RBFOX1: variants seen among roughly 807,000 people sequenced by gnomAD.
The protein encoded by RBFOX1 is RNA binding protein fox-1 homolog 1.
Under a neutral mutation model 57.7 loss-of-function variants are expected in RBFOX1, and 8 were observed. The ratio of observed to expected loss-of-function variants is 0.14; its 90% CI spans 0.08 to 0.25. The LOEUF (loss-of-function observed/expected upper bound fraction) is 0.25. Ranked by LOEUF, RBFOX1 falls within the 10% of genes least tolerant of loss-of-function variation. The pLI is 1.00. For missense variants in RBFOX1, 611 were observed against 548.5 expected (o/e 1.11, Z -1.14); for synonymous variants, 326 against 222.4 (o/e 1.47, Z -4.15).
At chr16:7,217,280 T>TTC (rs1324707833) in intron 4 of RBFOX1, among the ~76,000 whole-genome samples, 1 of 126,330 alleles carries the variant, frequency 7.9e-6, no homozygotes, top group East Asian at 2.4e-4. Context: ...TATCTTTTTT[T>TTC]TTCTTATTCT....
At chr16:5,780,863 C>T (rs1011440270) in intron 3 of RBFOX1, among the ~76,000 whole-genome samples, 21 of 152,204 alleles carry the variant, frequency 1.4e-4, no homozygotes, top group African/African-American at 4.3e-4. Context: ...TAGGTGCCAT[C>T]GCTATCTGCA....
chr16:6,537,017 C>T (rs760088141), intron 2 of RBFOX1, among the ~76,000 whole-genome samples: 7 of 152,166 alleles, frequency 4.6e-5, no homozygotes, highest in African/African-American at 7.2e-5. Context: ...ACCAAATGTA[C>T]AGTCCTACGT....
At chr16:6,700,877 C>G (rs1165789735) in intron 3 of RBFOX1, among the ~76,000 whole-genome samples, 3 of 151,950 alleles carry the variant, frequency 2.0e-5, no homozygotes, top group Non-Finnish European at 4.4e-5. Context: ...TTTAATGCTC[C>G]AAATATCCTC....
At chr16:7,608,315 C>G (rs2056753029) in intron 10 of RBFOX1, among the ~76,000 whole-genome samples, 2 of 152,186 alleles carry the variant, frequency 1.3e-5, no homozygotes, top group African/African-American at 4.8e-5. Context: ...ACACAGAAAA[C>G]TTAGCTACTC....
At chr16:6,641,976 C>T (rs763483692) in intron 2 of RBFOX1, among the ~76,000 whole-genome samples, 1 of 152,092 alleles carries the variant, frequency 6.6e-6, no homozygotes, top group Non-Finnish European at 1.5e-5. Flanking sequence ...TCACAGGAAC[C>T]CGTCAATGAA....
intron 4 of RBFOX1, among the ~76,000 whole-genome samples, chr16:7,066,490 C>A (rs117082276): frequency 6.6e-6 from 1 of 152,280 alleles, no homozygotes; most frequent in Admixed American, 6.5e-5. Flanking sequence ...AATGCCTCCC[C>A]TGGTTAGTTA....
At chr16:5,790,339 C>T (rs1000050415) in intron 3 of RBFOX1, among the ~76,000 whole-genome samples, 2 of 152,024 alleles carry the variant, frequency 1.3e-5, no homozygotes, top group South Asian at 2.1e-4. Flanking sequence ...GAGGGAGAAA[C>T]CCCTGCATTT....
At chr16:7,559,769 G>C (rs1489117789) in intron 5 of RBFOX1, among the ~76,000 whole-genome samples, 1 of 152,170 alleles carries the variant, frequency 6.6e-6, no homozygotes, top group African/African-American at 2.4e-5. Flanking sequence ...TTAGTCTTTG[G>C]TTCTTATCCA....
At chr16:5,597,283 C>G (rs1053201482) in intron 2 of RBFOX1, among the ~76,000 whole-genome samples, 1 of 145,464 alleles carries the variant, frequency 6.9e-6, no homozygotes, top group African/African-American at 2.6e-5. Flanking sequence ...CCCTCTTTCT[C>G]TCCGTTGCTC....
chr16:5,440,130 T>A (rs937016268), intron 1 of RBFOX1, among the ~76,000 whole-genome samples: 2 of 152,244 alleles, frequency 1.3e-5, no homozygotes, highest in Admixed American at 6.5e-5. Flanking sequence ...ATCAGTGGGA[T>A]AATGTATAAT....
intron 1 of RBFOX1, among the ~76,000 whole-genome samples, chr16:6,058,094 A>G (rs2095636930): frequency 6.6e-6 from 1 of 152,146 alleles, no homozygotes; most frequent in Non-Finnish European, 1.5e-5. Context: ...AAGGCTTGTG[A>G]AAAGGGTTTT....
chr16:7,309,312 C>T (rs1417197747), intron 4 of RBFOX1, among the ~76,000 whole-genome samples: 1 of 152,222 alleles, frequency 6.6e-6, no homozygotes, highest in African/African-American at 2.4e-5. Flanking sequence ...TTTGGGGAAC[C>T]TATGGAGGGC....
chr16:7,653,065 G>A (rs998747478), intron 11 of RBFOX1, among the ~76,000 whole-genome samples: 3 of 152,134 alleles, frequency 2.0e-5, no homozygotes, highest in African/African-American at 7.2e-5. Flanking sequence ...GTACATATAT[G>A]TATATATACA....
At chr16:5,886,551 A>G (rs749500999) in intron 4 of RBFOX1, among the ~76,000 whole-genome samples, 3 of 152,186 alleles carry the variant, frequency 2.0e-5, no homozygotes, top group Non-Finnish European at 2.9e-5. Context: ...TCTTATGTGA[A>G]AGAATACCAT....
At position 6,485,748 on chromosome 16, in the gene RBFOX1, A is replaced by G. The variant is rs572185065; in HGVS notation, c.-64+168691A>G. Among the ~76,000 whole-genome samples the G allele has an allele frequency of 4.4e-4, 67 of 152,328 alleles. 1 individual carries two copies. The Middle Eastern group carries it at 0.017, about 39-fold the overall frequency. ...ACCCCAAATTGAGGGTTTATACGAA[A>G]GTACTTTCTGTCTCATGACTTTATT... On this transcript the variant is annotated intron_variant, in intron 2 of 15. Coordinates refer to ENST00000550418, the MANE Select transcript of RBFOX1 (RefSeq NM_018723.4).
At chr16:5,984,970 ATATATATTTT>A (rs1257613025) in intron 4 of RBFOX1, among the ~76,000 whole-genome samples, 52 of 53,174 alleles carry the variant, frequency 9.8e-4, no homozygotes, top group African/African-American at 2.0e-3. Context: ...ATATATATAT[ATATATATTTT>A]TTTTTTTTTT....
At chr16:6,995,885 C>T (rs1361998514) in intron 3 of RBFOX1, among the ~76,000 whole-genome samples, 1 of 152,212 alleles carries the variant, frequency 6.6e-6, no homozygotes, top group African/African-American at 2.4e-5. Context: ...CTGCATCCTC[C>T]TATGTTTGAA....
chr16:6,602,121 T>A (rs2097860587), intron 2 of RBFOX1, among the ~76,000 whole-genome samples: 1 of 152,206 alleles, frequency 6.6e-6, no homozygotes, highest in South Asian at 2.1e-4. Flanking sequence ...CTGTCTTCTT[T>A]GGAGAAATGT....
intron 3 of RBFOX1, among the ~76,000 whole-genome samples, chr16:6,659,610 T>G (rs1038616081): frequency 1.3e-5 from 2 of 152,168 alleles, no homozygotes; most frequent in Non-Finnish European, 2.9e-5. Context: ...GACCAGGATT[T>G]AAGCTCAGAG....
Sources: gnomAD v4.1 joint callset for allele counts (sites outside exome capture counted in the v4.1 genomes callset) on GRCh38, gnomAD v4.1.1 for gene constraint, MANE v1.5 for transcripts, NCBI Gene and HGNC (gene_info 2026-07-23, HGNC 2026-07-21) for gene names.